Variants in KCNN2 observed in about 807,000 individuals in gnomAD.
The protein encoded by KCNN2 is potassium calcium-activated channel subfamily N member 2.
Under a neutral mutation model 55.5 loss-of-function variants are expected in KCNN2, and 24 were observed. That is an observed-to-expected ratio of 0.43 (90% CI 0.31 to 0.61). The LOEUF is 0.61. Ranked by LOEUF, KCNN2 falls within the 20% of genes least tolerant of loss-of-function variation. The pLI is 0.08. For synonymous variants in KCNN2, 431 were observed against 336.1 expected (o/e 1.28, Z -3.09); for missense variants, 754 against 853.6 (o/e 0.88, Z 1.45).
chr5:114,148,404 A>G (rs1179913539), intron 1 of KCNN2, among the ~76,000 whole-genome samples: 1 of 152,160 alleles, frequency 6.6e-6, no homozygotes, highest in Non-Finnish European at 1.5e-5. Context: ...GTTTGCTTGT[A>G]GTAAATCATT....
intron 1 of KCNN2, among the ~76,000 whole-genome samples, chr5:114,119,939 A>C (rs1751792510): frequency 6.6e-6 from 1 of 152,154 alleles, no homozygotes; most frequent in Admixed American, 6.5e-5. Context: ...GCATCATGCC[A>C]TTAGGAGATG....
chr5:114,186,407 G>A (rs1381778223), intron 1 of KCNN2, among the ~76,000 whole-genome samples: 1 of 152,050 alleles, frequency 6.6e-6, no homozygotes, highest in African/African-American at 2.4e-5. Context: ...AGAAAAATGA[G>A]GTGCCATTTT....
intron 3 of KCNN2, among the ~76,000 whole-genome samples, chr5:114,417,051 C>T (rs753712762): frequency 1.4e-4 from 22 of 152,268 alleles, no homozygotes; most frequent in Non-Finnish European, 2.8e-4. Context: ...ATCCTAAATG[C>T]CCATTTGGTA....
intron 3 of KCNN2, among the ~76,000 whole-genome samples, chr5:114,423,242 G>A (rs1053787148): frequency 1.3e-5 from 2 of 152,170 alleles, no homozygotes; most frequent in South Asian, 2.1e-4. Flanking sequence ...TAAGAGAATC[G>A]GGCTAATTTT....
At chr5:114,438,461 C>A (rs1760089830) in intron 3 of KCNN2, among the ~76,000 whole-genome samples, 2 of 152,084 alleles carry the variant, frequency 1.3e-5, no homozygotes, top group Admixed American at 6.6e-5. Context: ...AACTTTTGAT[C>A]TTTTGGGGAC....
At chr5:114,222,783 C>T (rs1049722652) in intron 2 of KCNN2, among the ~76,000 whole-genome samples, 3 of 152,116 alleles carry the variant, frequency 2.0e-5, no homozygotes, top group African/African-American at 7.2e-5. Flanking sequence ...TAGGCCTTCA[C>T]TTGGTACTTC....
At chr5:114,094,071 A>G (rs184846171) in intron 1 of KCNN2, among the ~76,000 whole-genome samples, 1 of 151,948 alleles carries the variant, frequency 6.6e-6, no homozygotes, top group African/African-American at 2.4e-5. Context: ...GAATAAATAT[A>G]TTTGTTTGTT....
intron 1 of KCNN2, among the ~76,000 whole-genome samples, chr5:114,199,026 T>C (rs1753616051): frequency 6.6e-6 from 1 of 152,114 alleles, no homozygotes; most frequent in African/African-American, 2.4e-5. Context: ...ATGAGTGGGG[T>C]ATTAAAGTCC....
intron 3 of KCNN2, among the ~76,000 whole-genome samples, chr5:114,407,994 G>T (rs1229160868): frequency 6.6e-6 from 1 of 152,108 alleles, no homozygotes; most frequent in Non-Finnish European, 1.5e-5. Flanking sequence ...CTGCCTCTAT[G>T]CCTTTTTTGA....
At chr5:114,123,814 T>G (rs895937046) in intron 1 of KCNN2, among the ~76,000 whole-genome samples, 2 of 152,362 alleles carry the variant, frequency 1.3e-5, no homozygotes, top group Non-Finnish European at 1.5e-5. Context: ...ACTTCCTTTT[T>G]CAAATACATG....
At chr5:114,067,131 G>C (rs1456730685) in intron 1 of KCNN2, among the ~76,000 whole-genome samples, 2 of 152,158 alleles carry the variant, frequency 1.3e-5, no homozygotes, top group African/African-American at 4.8e-5. Context: ...AAAAAGAGAA[G>C]ACAGTGTCAT....
chr5:114,496,260 A>G lies in KCNN2; in HGVS notation c.*78A>G, dbSNP rs1171068165. ...TTTTAGCTTTTATTGTAAAGCCCCT[A>G]TGGTTCTAATCAGCGTTATCCGGGT... On this transcript the variant is annotated 3_prime_UTR_variant, in exon 8 of 8. Transcript: ENST00000673685. The G allele has an allele frequency of 1.0e-5, 15 of 1,466,304 alleles. No individual in the cohort carries two copies. Among genetic ancestry groups the G allele is most frequent in the African/African-American group, 2.8e-5 (2 of 71,792 alleles). 90.8% of individuals were successfully genotyped at this position (1,466,304 alleles called of 1,614,324 possible).
intron 1 of KCNN2, among the ~76,000 whole-genome samples, chr5:114,156,176 A>G (rs1357653727): frequency 1.3e-5 from 2 of 152,120 alleles, no homozygotes; most frequent in African/African-American, 4.8e-5. Flanking sequence ...AGGTTTGTCA[A>G]AGATCAGATA....
At chr5:114,144,182 C>T (rs960770589) in intron 1 of KCNN2, among the ~76,000 whole-genome samples, 7 of 152,144 alleles carry the variant, frequency 4.6e-5, no homozygotes, top group African/African-American at 7.2e-5. Context: ...TGTGAACAGA[C>T]TCATTATGTT....
intron 1 of KCNN2, among the ~76,000 whole-genome samples, chr5:114,064,881 G>A (rs1225081319): frequency 6.6e-6 from 1 of 152,152 alleles, no homozygotes; most frequent in Non-Finnish European, 1.5e-5. Flanking sequence ...CAAAGATGTG[G>A]TAGCTTCAAC....
intron 6 of KCNN2, chr5:114,489,167 A>C (rs1053548490): frequency 6.6e-6 from 1 of 152,184 alleles, no homozygotes; most frequent in Non-Finnish European, 1.5e-5. Context: ...ACATCTTGTA[A>C]TATAAGACTC....
At chr5:114,183,273 C>A (rs2112555408) in intron 1 of KCNN2, among the ~76,000 whole-genome samples, 1 of 152,122 alleles carries the variant, frequency 6.6e-6, no homozygotes, top group African/African-American at 2.4e-5. Context: ...ATCTTAAAGA[C>A]TTTTTCTTCC....
chr5:114,135,828 G>A (rs1752163542), intron 1 of KCNN2, among the ~76,000 whole-genome samples: 1 of 152,134 alleles, frequency 6.6e-6, no homozygotes, highest in African/African-American at 2.4e-5. Context: ...TGTGAAACAT[G>A]AACACAATGT....
chr5:114,144,603 T>C lies in KCNN2; in HGVS notation c.-270-76877T>C, dbSNP rs961416088. 9.2e-5 allele frequency among the ~76,000 whole-genome samples: 14 copies of C among 152,212 alleles called. 1 individual carries two copies. The East Asian group carries it at 2.7e-3, about 29-fold the overall frequency. On this transcript the variant is annotated intron_variant, in intron 1 of 10. Coordinates refer to the KCNN2 transcript ENST00000512097. ...CAAATACCTTCTCTGGCTCTGACTA[T>C]TAAAATGCTATGATACTGATTAAAG...
Sources: gnomAD v4.1 joint callset for allele counts (sites outside exome capture counted in the v4.1 genomes callset) on GRCh38, gnomAD v4.1.1 for gene constraint, MANE v1.5 for transcripts, NCBI Gene and HGNC (gene_info 2026-07-23, HGNC 2026-07-21) for gene names.